RTCA: variants seen among roughly 807,000 people sequenced by gnomAD.
The protein encoded by RTCA is RNA terminal phosphate cyclase domain 1.
In RTCA, 37 loss-of-function variants were observed where a neutral mutation model predicts 46.1. That is an observed-to-expected ratio of 0.80 (90% CI 0.62 to 1.06). The LOEUF is 1.06. Among genes scored for constraint, RTCA ranks in the 50% least tolerant of loss-of-function variants. RTCA has a pLI of 0.00. For missense variants in RTCA, 435 were observed against 455.5 expected, an observed-to-expected ratio of 0.95 and a Z score of 0.41; for synonymous variants, 164 against 158.3, an observed-to-expected ratio of 1.04 and a Z score of -0.27.
At chr1:100,281,073 C>T (rs866332421) in intron 8 of RTCA, among the ~76,000 whole-genome samples, 2 of 152,106 alleles carry the variant, frequency 1.3e-5, no homozygotes, top group South Asian at 2.1e-4. Context: ...CCAGAAGGAA[C>T]ATTGGCTGCT....
In RTCA at chr1:100,267,630, C is replaced by A; in HGVS notation, c.147-522C>A. 5 of 1,332,816 alleles carry A rather than the reference C, an allele frequency of 3.8e-6. No individual in the cohort carries two copies. In the Admixed American group the frequency reaches 1.2e-4, roughly 32 times the overall value. The allele number at this position is 1,332,816 out of a possible 1,614,324, so 82.6% of individuals were successfully genotyped here. Reference sequence around the variant, plus strand: ...GGTGGTTCCTCTGTGTACCTTGCCCCTAGCGTCTCTGTATGTTCTAGTTTT... The same window carrying A: ...GGTGGTTCCTCTGTGTACCTTGCCCATAGCGTCTCTGTATGTTCTAGTTTT... On this transcript the variant is annotated intron_variant, in intron 2 of 10. Transcript: ENST00000370128.
At chr1:100,276,594 T>C (rs1049734938) in intron 7 of RTCA, among the ~76,000 whole-genome samples, 1 of 152,146 alleles carries the variant, frequency 6.6e-6, no homozygotes, top group Non-Finnish European at 1.5e-5. Flanking sequence ...GGAGAATCAC[T>C]TGAACCTGGG....
Position 100,273,422 on chromosome 1 carries a change from GT to G in RTCA, c.446del (p.Phe149SerfsTer20). ...MVFKPIVEKF[G>X]FIFNCDIKTR... The stretch of plus-strand genomic sequence containing the variant: ...TTCAAGCCAATTGTTGAAAAATTTG[GT>G]TTCATATTTAATTGTGACATTAAAA... On this transcript the variant is annotated frameshift_variant, in exon 5 of 11. Coordinates refer to ENST00000370128, the MANE Select transcript of RTCA (RefSeq NM_003729.4). LOFTEE classifies it high-confidence loss of function. 6.3e-7 allele frequency: 1 copy of G among 1,585,278 alleles called. No individual in the cohort carries two copies.
Position 100,277,802 on chromosome 1 carries a change from T to G in RTCA, c.799+486T>G, listed in dbSNP as rs115597416. Among the ~76,000 whole-genome samples, 314 of 149,970 alleles carry G rather than the reference T, an allele frequency of 2.1e-3. 2 individuals carry two copies. Among genetic ancestry groups the G allele is most frequent in the African/African-American group, 4.0e-3 (163 of 40,788 alleles). On this transcript the variant is annotated intron_variant, in intron 8 of 10. Transcript: ENST00000370128. Reference sequence around the variant, plus strand: ...TAGAGCGATGTGGAATTTTTTTTTTTGGGGGGGGGCACATAGCATTTGTTT... The same window carrying G: ...TAGAGCGATGTGGAATTTTTTTTTTGGGGGGGGGGCACATAGCATTTGTTT...
chr1:100,277,377 A>C (rs888083686), intron 8 of RTCA, 61 bp downstream of exon 8: 9 of 1,396,410 alleles, frequency 6.4e-6, no homozygotes, highest in Non-Finnish European at 8.9e-6. Context: ...TTAATCCATC[A>C]GGATTGGAAT....
chr1:100,286,760 T>A (rs1667055623), intron 9 of RTCA, among the ~76,000 whole-genome samples: 1 of 152,190 alleles, frequency 6.6e-6, no homozygotes, highest in Admixed American at 6.5e-5. Flanking sequence ...ATTCAGCTGT[T>A]AAAATGTAAT....
intron 5 of RTCA, among the ~76,000 whole-genome samples, chr1:100,273,917 T>G (rs1416214092): frequency 6.6e-6 from 1 of 152,220 alleles, no homozygotes; most frequent in African/African-American, 2.4e-5. Context: ...GGCATTTAAG[T>G]GCTTTGAAGT....
rs536158980 is a variant in RTCA, at chr1:100,270,799, TTTTC to T, written c.414+135_414+138del. 128 of 1,242,102 alleles carry T rather than the reference TTTTC, an allele frequency of 1.0e-4. 2 individuals carry two copies. Among genetic ancestry groups the T allele is most frequent in the East Asian group, 9.6e-4 (40 of 41,852 alleles). 76.9% of individuals were successfully genotyped at this position (1,242,102 alleles called of 1,614,324 possible). A position where few individuals can be genotyped will look rare whatever the true frequency, so the allele number is the denominator to read the frequency against. On this transcript the variant is annotated intron_variant, in intron 4 of 10. Transcript: ENST00000370128. Reference sequence around the variant, plus strand: ...TTCTTGTTTATCTCTTCATGGTGTCTTTTCTTTCTTTCTTTCTTTTTTTTTTTGA... The same window carrying T: ...TTCTTGTTTATCTCTTCATGGTGTCTTTTCTTTCTTTCTTTTTTTTTTTGA...
At chr1:100,283,945 AAAAAGAAAAAACAAG>A (rs1666877649) in intron 8 of RTCA, among the ~76,000 whole-genome samples, 4 of 136,310 alleles carry the variant, frequency 2.9e-5, no homozygotes, top group Non-Finnish European at 4.6e-5. Flanking sequence ...GAAAAAAAAA[AAAAAGAAAAAACAAG>A]AAAAAACAAG....
At chr1:100,279,582 C>G (rs774631502) in intron 8 of RTCA, among the ~76,000 whole-genome samples, 14 of 152,014 alleles carry the variant, frequency 9.2e-5, no homozygotes, top group Non-Finnish European at 1.6e-4. Context: ...TGACAACAGC[C>G]TGGCCAACAT....
chr1:100,269,866 G>T (rs888212371), intron 3 of RTCA, among the ~76,000 whole-genome samples: 1 of 152,034 alleles, frequency 6.6e-6, no homozygotes, highest in African/African-American at 2.4e-5. Flanking sequence ...GCCCTGGTGT[G>T]TGATGTTCCC....
At chr1:100,270,728 C>T in intron 4 of RTCA, 48 bp downstream of exon 4, 4 of 1,595,846 alleles carry the variant, frequency 2.5e-6, no homozygotes, top group East Asian at 4.5e-5. Flanking sequence ...ATACATGCTT[C>T]TGAGTCTCCA....
At chr1:100,277,352 C>A (rs1666452232) in intron 8 of RTCA, 36 bp downstream of exon 8, 11 of 1,539,012 alleles carry the variant, frequency 7.1e-6, no homozygotes, top group East Asian at 6.8e-5. Flanking sequence ...GTTCCCAATG[C>A]TACTGCAGAA....
rs945252562 is a variant in RTCA at position 100,283,464 on chromosome 1, A to G, written c.800-1764A>G. ...GGCATGAGCCACCATGCCTGGCTCAAATATTCCAAAATTTTTTAAAAATCC... is the reference window on the plus strand; with the variant it reads ...GGCATGAGCCACCATGCCTGGCTCAGATATTCCAAAATTTTTTAAAAATCC... On this transcript the variant is annotated intron_variant, in intron 8 of 10. Coordinates refer to ENST00000370128, the MANE Select transcript of RTCA (RefSeq NM_003729.4). Among the ~76,000 whole-genome samples the G allele has an allele frequency of 4.6e-5, 7 of 152,112 alleles. No individual in the cohort carries two copies. The East Asian group carries it at 1.4e-3, about 29-fold the overall frequency.
intron 10 of RTCA, among the ~76,000 whole-genome samples, chr1:100,288,239 C>T (rs1667137243): frequency 1.3e-5 from 2 of 152,266 alleles, no homozygotes; most frequent in South Asian, 4.1e-4. Flanking sequence ...TCCTCTTCTC[C>T]TAAATCGTTT....
intron 8 of RTCA, 151 bp downstream of exon 8, chr1:100,277,467 C>T: frequency 1.3e-6 from 1 of 748,844 alleles, no homozygotes; most frequent in South Asian, 2.3e-5. Context: ...TTCAGACTTT[C>T]AGTCTTTCTC....
intron 7 of RTCA, 129 bp from the exon 8 acceptor site, chr1:100,277,128 AT>A (rs2100800435): frequency 1.3e-6 from 1 of 788,454 alleles, no homozygotes; most frequent in East Asian, 2.5e-5. Context: ...TATATGAAGA[AT>A]TTTTACTTTT....
chr1:100,278,812 A>G (rs1414026800), intron 8 of RTCA, among the ~76,000 whole-genome samples: 2 of 152,212 alleles, frequency 1.3e-5, no homozygotes, highest in East Asian at 3.8e-4. Context: ...AAACTGTGCT[A>G]TTCAAAATGT....
chr1:100,284,846 C>A (rs1016688006), intron 8 of RTCA, among the ~76,000 whole-genome samples: 1 of 152,190 alleles, frequency 6.6e-6, no homozygotes, highest in Non-Finnish European at 1.5e-5. Flanking sequence ...AATTCTTACA[C>A]CTTAGCTTCT....
Sources: allele counts gnomAD v4.1 joint callset (sites outside exome capture counted in the v4.1 genomes callset), GRCh38; gene constraint gnomAD v4.1.1; transcripts MANE v1.5; gene names NCBI Gene and HGNC (gene_info 2026-07-23, HGNC 2026-07-21).